The following IFT88 variants were observed in gnomAD, a reference collection of about 807,000 sequenced individuals.
The protein encoded by IFT88 is intraflagellar transport 88, also known as intraflagellar transport protein 88 homolog.
IFT88 carries 74 observed loss-of-function variants against 119.5 expected under a neutral mutation model. The observed-to-expected ratio is 0.62, with a 90% CI of 0.51 to 0.75. IFT88 has a LOEUF of 0.75. Ranked by LOEUF, IFT88 falls within the 30% of genes least tolerant of loss-of-function variation. The probability of loss-of-function intolerance (pLI) is 0.00; values close to 1 mark genes in which losing one functional copy is unlikely to be tolerated. For missense variants in IFT88, 961 were observed against 977.7 expected, an observed-to-expected ratio of 0.98 and a Z score of 0.23; for synonymous variants, 279 against 316.7, an observed-to-expected ratio of 0.88 and a Z score of 1.26.
At chr13:20,574,226 G>C (rs2137960819) in intron 1 of IFT88, 154 bp from the exon 2 acceptor site, 1 of 154,192 alleles carries the variant, frequency 6.5e-6, no homozygotes, top group East Asian at 1.9e-4. Flanking sequence ...AGGCTGAGGT[G>C]GGAGGATCAC....
intron 20 of IFT88, among the ~76,000 whole-genome samples, chr13:20,651,512 C>G (rs756780217): frequency 2.7e-5 from 4 of 149,882 alleles, no homozygotes; most frequent in African/African-American, 7.3e-5. Context: ...TTTATAGTAG[C>G]GAAAAGGTAG....
At chr13:20,618,861 C>CT (rs34629198) in intron 14 of IFT88, among the ~76,000 whole-genome samples, 1 of 128,690 alleles carries the variant, frequency 7.8e-6, no homozygotes. Context: ...TTTTTTTTCC[C>CT]TTTTTTTTTT....
At chr13:20,590,355 C>T (rs934864960) in intron 4 of IFT88, among the ~76,000 whole-genome samples, 16 of 151,912 alleles carry the variant, frequency 1.1e-4, no homozygotes, top group Non-Finnish European at 8.8e-5. Context: ...TTCAAATTAC[C>T]TGTAATTTGG....
chr13:20,570,819 C>CTGAATTA (rs11281324), intron 1 of IFT88, among the ~76,000 whole-genome samples: 124,775 of 151,402 alleles, frequency 0.82, 51,908 homozygotes, highest in East Asian at 1. Context: ...CTAAAAACCA[C>CTGAATTA]TGCACCTTGA....
intron 17 of IFT88, 82 bp downstream of exon 17, chr13:20,638,600 C>T: frequency 1.1e-6 from 1 of 927,824 alleles, no homozygotes; most frequent in Non-Finnish European, 1.5e-6. Context: ...TTAAAGAGCT[C>T]TAACACATTA....
intron 20 of IFT88, 42 bp from the exon 21 acceptor site, chr13:20,653,834 A>AT (rs370716205): frequency 4.7e-5 from 56 of 1,194,762 alleles, no homozygotes; most frequent in Non-Finnish European, 5.8e-5. Flanking sequence ...AGCATCACAG[A>AT]TTTTTTTATC....
chr13:20,625,655 T>C, intron 14 of IFT88, 95 bp from the exon 15 acceptor site: 1 of 786,026 alleles, frequency 1.3e-6, no homozygotes, highest in Non-Finnish European at 2.1e-6. Flanking sequence ...CTAGGGACCC[T>C]TTAAAAAATC....
intron 22 of IFT88, among the ~76,000 whole-genome samples, chr13:20,661,663 A>T (rs1051052939): frequency 6.6e-6 from 1 of 151,936 alleles, no homozygotes; most frequent in Non-Finnish European, 1.5e-5. Context: ...TGAACCCAGG[A>T]GGCAGAGGTT....
At chr13:20,617,589 C>A (rs561711108) in intron 14 of IFT88, among the ~76,000 whole-genome samples, 70 of 152,058 alleles carry the variant, frequency 4.6e-4, no homozygotes, top group Non-Finnish European at 6.5e-4. Context: ...TGAAGTTGGG[C>A]CAATTTTTCA....
At chr13:20,649,763 C>CA (rs908840890) in intron 20 of IFT88, among the ~76,000 whole-genome samples, 2 of 151,086 alleles carry the variant, frequency 1.3e-5, no homozygotes, top group African/African-American at 2.4e-5. Context: ...GAAGGACTAA[C>CA]AAAAAAAAGA....
intron 16 of IFT88, chr13:20,631,675 G>A (rs2048229065): frequency 6.6e-6 from 1 of 152,516 alleles, no homozygotes; most frequent in South Asian, 2.1e-4. Flanking sequence ...GGACTTTCAG[G>A]AAAGATTTCA....
chr13:20,606,112 A>T (rs1379284589), intron 13 of IFT88, among the ~76,000 whole-genome samples: 3 of 152,174 alleles, frequency 2.0e-5, no homozygotes, highest in Non-Finnish European at 4.4e-5. Context: ...TTAAAAGTAC[A>T]ACTGGGGTGG....
At position 20,625,794 on chromosome 13, in the gene IFT88, A is replaced by G. The variant is rs752903332; in HGVS notation, c.1244A>G (p.Asn415Ser). The G allele has an allele frequency of 2.5e-6, 4 of 1,605,100 alleles. No homozygotes were observed. Among genetic ancestry groups the G allele is most frequent in the Non-Finnish European group, 2.5e-6 (3 of 1,177,864 alleles). Residue 415 changes from asparagine to serine, a missense_variant, in exon 15 of 26, where the codon AAT (asparagine) becomes AGT (serine). Asn to Ser is a conservative substitution (Grantham distance 46, BLOSUM62 1). Coordinates refer to ENST00000351808, the MANE Select transcript of IFT88 (RefSeq NM_006531.5). ...GCTTCTCAATATGTAGAGCTAGCCA[A>G]TGATCTGGAAATAAACAAAGCAGTT... is the stretch of plus-strand genomic sequence containing the variant. Reference protein sequence around the residue: ...VKASQYVELANDLEINKAVTY... With the variant: ...VKASQYVELASDLEINKAVTY...
chr13:20,622,542 C>G (rs1175678501), intron 14 of IFT88, among the ~76,000 whole-genome samples: 1 of 152,068 alleles, frequency 6.6e-6, no homozygotes, highest in Non-Finnish European at 1.5e-5. Context: ...ATGGTGGCGT[C>G]CCATTGTTGT....
intron 1 of IFT88, among the ~76,000 whole-genome samples, chr13:20,568,886 A>G (rs1276576560): frequency 6.6e-6 from 1 of 151,834 alleles, no homozygotes; most frequent in Non-Finnish European, 1.5e-5. Context: ...ATGCCCAGCT[A>G]ATTTTTTGTA....
chr13:20,615,175 A>T (rs2045394274), intron 13 of IFT88, among the ~76,000 whole-genome samples: 1 of 152,224 alleles, frequency 6.6e-6, no homozygotes, highest in Non-Finnish European at 1.5e-5. Flanking sequence ...AGAATAGTAT[A>T]TACATTTTGA....
chr13:20,601,972 T>G (rs2042662246), intron 12 of IFT88, 39 bp downstream of exon 12: 1 of 1,122,472 alleles, frequency 8.9e-7, no homozygotes, highest in Non-Finnish European at 1.3e-6. Flanking sequence ...CACTTCCCAC[T>G]TATCTGTGCT....
Position 20,601,856 on chromosome 13 carries a change from GAA to G in IFT88, c.969_970del (p.Lys323AsnfsTer16), listed in dbSNP as rs1401159016. On this transcript the variant is annotated frameshift_variant, in exon 12 of 26. Transcript: ENST00000351808. LOFTEE classifies it high-confidence loss of function. Reference sequence around the variant, plus strand: ...CTGTTATTTTGCTATTGGAGACCGAGAAAAAATGAAGAAGGCATTCCAAAAAT... The same window carrying G: ...CTGTTATTTTGCTATTGGAGACCGAGAAAATGAAGAAGGCATTCCAAAAAT... The part of the protein sequence containing the change: ...TICYFAIGDR[E>X]KMKKAFQKLI... 1 of 1,613,042 alleles carries G rather than the reference GAA, an allele frequency of 6.2e-7. No individual in the cohort carries two copies.
intron 24 of IFT88, among the ~76,000 whole-genome samples, chr13:20,674,722 A>ATTTTTTTT (rs1296479140): frequency 2.3e-5 from 1 of 42,692 alleles, no homozygotes; most frequent in African/African-American, 9.1e-5. Flanking sequence ...ATATATATAT[A>ATTTTTTTT]TATTTTTTTT....
Sources: gnomAD v4.1 joint callset for allele counts (sites outside exome capture counted in the v4.1 genomes callset) on GRCh38, gnomAD v4.1.1 for gene constraint, MANE v1.5 for transcripts, NCBI Gene and HGNC (gene_info 2026-07-23, HGNC 2026-07-21) for gene names.